The following TSPAN12 variants were observed in gnomAD, a reference collection of about 807,000 sequenced individuals.
TSPAN12 encodes tetraspanin-12.
In TSPAN12, 19 loss-of-function variants were observed where a neutral mutation model predicts 39.2. The observed-to-expected ratio is 0.49, with a 90% CI of 0.34 to 0.71. The LOEUF is 0.71. Ranked by LOEUF, TSPAN12 falls within the 30% of genes least tolerant of loss-of-function variation. The pLI, the probability that TSPAN12 is intolerant of heterozygous loss-of-function variation, is 0.01. For missense variants in TSPAN12, 314 were observed against 359.9 expected (o/e 0.87, Z 1.03); for synonymous variants, 119 against 124.8 (o/e 0.95, Z 0.31).
chr7:120,791,414 C>T (rs1005484517), intron 7 of TSPAN12, among the ~76,000 whole-genome samples: 1 of 151,862 alleles, frequency 6.6e-6, no homozygotes, highest in East Asian at 1.9e-4. Context: ...TACAATACAA[C>T]GTGGTGACTA....
chr7:120,843,303 T>C (rs1794612680), intron 2 of TSPAN12, among the ~76,000 whole-genome samples: 1 of 152,234 alleles, frequency 6.6e-6, no homozygotes, highest in African/African-American at 2.4e-5. Context: ...CACATCCTGC[T>C]CTGGAGAACC....
In TSPAN12 at chr7:120,850,214, T is replaced by A. The variant is rs184124824; in HGVS notation, c.66+6484A>T. ...TAAATCAGTATCACCCTGGAGCTGT[T>A]CTGACCGATAGTTTTTCTAGACCAC... On this transcript the variant is annotated intron_variant, in intron 2 of 7. Transcript: ENST00000222747. Among the ~76,000 whole-genome samples, 45 of 152,332 alleles carry A rather than the reference T, an allele frequency of 3.0e-4. 1 individual carries two copies. Among genetic ancestry groups the A allele is most frequent in the Admixed American group, 2.8e-3 (43 of 15,306 alleles).
At chr7:120,820,372 T>C (rs1314617433) in intron 4 of TSPAN12, among the ~76,000 whole-genome samples, 1 of 152,142 alleles carries the variant, frequency 6.6e-6, no homozygotes, top group Admixed American at 6.6e-5. Flanking sequence ...GGGAAAATGC[T>C]TTGGAAAATG....
Position 120,788,519 on chromosome 7 carries a change from A to T in TSPAN12, c.*73T>A, listed in dbSNP as rs892679573. On this transcript the variant is annotated 3_prime_UTR_variant, in exon 8 of 8. Transcript: ENST00000222747. ...ATTTTTATTTCTACATATTTCTGAA[A>T]CACATAGTATGTACTCAAAAATTCA... 2.9e-5 allele frequency: 45 copies of T among 1,537,484 alleles called. 1 individual carries two copies. The East Asian group carries it at 9.9e-4, about 34-fold the overall frequency.
intron 7 of TSPAN12, among the ~76,000 whole-genome samples, chr7:120,789,523 C>T (rs1793479225): frequency 6.6e-6 from 1 of 152,176 alleles, no homozygotes; most frequent in Non-Finnish European, 1.5e-5. Flanking sequence ...CTAACATAGA[C>T]ATCACAAAGA....
intron 2 of TSPAN12, among the ~76,000 whole-genome samples, chr7:120,841,031 T>C (rs1794569420): frequency 1.3e-5 from 2 of 152,148 alleles, no homozygotes; most frequent in South Asian, 4.1e-4. Flanking sequence ...GCATCAGAAA[T>C]GTGTAGCAAC....
Position 120,789,020 on chromosome 7 carries a change from A to G in TSPAN12, c.613-123T>C, listed in dbSNP as rs960700720. 18 of 1,017,382 alleles carry G rather than the reference A, an allele frequency of 1.8e-5. No individual in the cohort carries two copies. The African/African-American group carries it at 2.9e-4, about 16-fold the overall frequency. 63.0% of individuals were successfully genotyped at this position (1,017,382 alleles called of 1,614,324 possible). ...AGACTAACTGGGATCATAAAGTTTA[A>G]GACAGTGGTTCTCAGGGAAAGCTGA... On this transcript the variant is annotated intron_variant, in intron 7 of 7. Coordinates refer to ENST00000222747, the MANE Select transcript of TSPAN12 (RefSeq NM_012338.4).
At chr7:120,825,227 C>T (rs1480060362) in intron 4 of TSPAN12, among the ~76,000 whole-genome samples, 1 of 152,002 alleles carries the variant, frequency 6.6e-6, no homozygotes, top group Non-Finnish European at 1.5e-5. Context: ...ATCTGCTACA[C>T]TGAAAGAAAA....
At chr7:120,847,390 C>G (rs1320484134) in intron 2 of TSPAN12, among the ~76,000 whole-genome samples, 5 of 152,170 alleles carry the variant, frequency 3.3e-5, no homozygotes, top group African/African-American at 9.7e-5. Context: ...GAATCTTCAG[C>G]TGTTTGAAGG....
chr7:120,805,469 CT>C (rs1793853398), intron 7 of TSPAN12, among the ~76,000 whole-genome samples: 1 of 151,952 alleles, frequency 6.6e-6, no homozygotes, highest in Non-Finnish European at 1.5e-5. Context: ...AATCCTGTTG[CT>C]TTGTTTTAAA....
chr7:120,804,486 T>C (rs1793831966), intron 7 of TSPAN12, among the ~76,000 whole-genome samples: 1 of 152,192 alleles, frequency 6.6e-6, no homozygotes, highest in South Asian at 2.1e-4. Context: ...ATAAACTATA[T>C]TTTGTATATT....
At chr7:120,848,069 C>T (rs892173776) in intron 2 of TSPAN12, among the ~76,000 whole-genome samples, 1 of 152,168 alleles carries the variant, frequency 6.6e-6, no homozygotes, top group Non-Finnish European at 1.5e-5. Context: ...AGTGCCTATA[C>T]ATCTTCACTC....
At chr7:120,823,473 A>G (rs940527890) in intron 4 of TSPAN12, among the ~76,000 whole-genome samples, 8 of 152,126 alleles carry the variant, frequency 5.3e-5, no homozygotes, top group Non-Finnish European at 1.0e-4. Flanking sequence ...GAAAATGTAA[A>G]CCTAGTACTT....
Position 120,850,188 on chromosome 7 carries a change from A to G in TSPAN12, c.66+6510T>C, listed in dbSNP as rs375513282. ...ATGAACATCAATTAATTAGAGCTGA[A>G]TAAATCAGTATCACCCTGGAGCTGT... On this transcript the variant is annotated intron_variant, in intron 2 of 7. Coordinates refer to ENST00000222747, the MANE Select transcript of TSPAN12 (RefSeq NM_012338.4). Among the ~76,000 whole-genome samples the G allele has an allele frequency of 7.9e-5, 12 of 152,354 alleles. No homozygotes were observed. The East Asian group carries it at 1.7e-3, about 22-fold the overall frequency.
intron 2 of TSPAN12, among the ~76,000 whole-genome samples, chr7:120,856,438 T>C (rs1440461142): frequency 2.0e-5 from 3 of 152,270 alleles, no homozygotes. Context: ...CGTGCATTTA[T>C]TTATATCCCT....
intron 4 of TSPAN12, among the ~76,000 whole-genome samples, chr7:120,817,547 C>T (rs889787494): frequency 6.6e-6 from 1 of 152,120 alleles, no homozygotes; most frequent in Admixed American, 6.5e-5. Context: ...ATAAGGCTAC[C>T]TCATTTTACA....
At position 120,788,524 on chromosome 7, in the gene TSPAN12, T is replaced by C. The variant is rs892441308; in HGVS notation, c.*68A>G. ...TATTTCTACATATTTCTGAAACACA[T>C]AGTATGTACTCAAAAATTCACAAGT... is the stretch of plus-strand genomic sequence containing the variant. On this transcript the variant is annotated 3_prime_UTR_variant, in exon 8 of 8. Transcript: ENST00000222747. The C allele has an allele frequency of 1.7e-5, 26 of 1,549,782 alleles. No homozygotes were observed. The highest frequency in any genetic ancestry group is 2.0e-5 in the Non-Finnish European group (22 of 1,122,550).
At chr7:120,805,703 G>A (rs1310228298) in intron 7 of TSPAN12, among the ~76,000 whole-genome samples, 2 of 152,040 alleles carry the variant, frequency 1.3e-5, no homozygotes, top group Non-Finnish European at 2.9e-5. Flanking sequence ...TCTTACATCT[G>A]CATTGTCCAG....
At chr7:120,799,548 A>ATATATAATTAAATATAATTATT (rs1318754882) in intron 7 of TSPAN12, among the ~76,000 whole-genome samples, 2 of 114,586 alleles carry the variant, frequency 1.7e-5, no homozygotes, top group South Asian at 2.3e-4. Flanking sequence ...ATATAATTAT[A>ATATATAATTAAATATAATTATT]TATATAATTA....
Sources: gnomAD v4.1 joint callset for allele counts (sites outside exome capture counted in the v4.1 genomes callset) on GRCh38, gnomAD v4.1.1 for gene constraint, MANE v1.5 for transcripts, NCBI Gene and HGNC (gene_info 2026-07-23, HGNC 2026-07-21) for gene names.